Variants in CTNNA3 observed in about 807,000 individuals in gnomAD.
CTNNA3 encodes catenin alpha 3.
In CTNNA3, 76 loss-of-function variants were observed where a neutral mutation model predicts 95.7. That is an observed-to-expected ratio of 0.79 (90% CI 0.66 to 0.96). The LOEUF is 0.96. Among genes scored for constraint, CTNNA3 ranks in the 40% least tolerant of loss-of-function variants. The pLI is 0.00. For synonymous variants in CTNNA3, 431 were observed against 374.4 expected (o/e 1.15, Z -1.74); for missense variants, 1,191 against 1,089.8 (o/e 1.09, Z -1.31).
At chr10:67,038,417 G>C (rs536479771) in intron 7 of CTNNA3, among the ~76,000 whole-genome samples, 7 of 151,892 alleles carry the variant, frequency 4.6e-5, no homozygotes, top group African/African-American at 1.7e-4. Context: ...ACAAAAATAC[G>C]TACTATAAGA....
At chr10:66,182,550 C>T (rs12762540) in intron 13 of CTNNA3, among the ~76,000 whole-genome samples, 9,290 of 152,122 alleles carry the variant, frequency 0.061, 370 homozygotes, top group Non-Finnish European at 0.094. Context: ...CCACCGCGCC[C>T]GGCCGGATAC....
chr10:67,133,060 G>A (rs1232781526), intron 7 of CTNNA3, among the ~76,000 whole-genome samples: 1 of 151,638 alleles, frequency 6.6e-6, no homozygotes, highest in Non-Finnish European at 1.5e-5. Context: ...AAAGTAACTA[G>A]AAGAGAGGAC....
At chr10:66,192,092 A>T (rs751039198) in intron 13 of CTNNA3, among the ~76,000 whole-genome samples, 3 of 152,128 alleles carry the variant, frequency 2.0e-5, no homozygotes, top group African/African-American at 4.8e-5. Context: ...AATAAATTTT[A>T]TTTCTTTATA....
chr10:67,495,274 T>C (rs1231212910), intron 5 of CTNNA3, among the ~76,000 whole-genome samples: 2 of 152,096 alleles, frequency 1.3e-5, no homozygotes, highest in Non-Finnish European at 2.9e-5. Context: ...TGACACCCTC[T>C]CTCCACTGAC....
intron 5 of CTNNA3, among the ~76,000 whole-genome samples, chr10:67,338,835 G>C (rs946955693): frequency 6.6e-6 from 1 of 152,110 alleles, no homozygotes; most frequent in Non-Finnish European, 1.5e-5. Flanking sequence ...CAGTCTTTTC[G>C]ATGTCAACAT....
rs549466261 is a variant in CTNNA3, at chr10:66,620,518, C to T, written c.1374+1174G>A. ...CTTAATCCTCTTCAGATTGAAAAGG[C>T]ATTTTAAAAAGTGATAACCTTGAGC... On this transcript the variant is annotated intron_variant, in intron 10 of 17. Transcript: ENST00000433211. 2.0e-5 allele frequency among the ~76,000 whole-genome samples: 3 copies of T among 152,258 alleles called. No individual in the cohort carries two copies. The East Asian group carries it at 5.8e-4, about 29-fold the overall frequency.
Position 67,160,200 on chromosome 10 carries a change from A to C in CTNNA3, c.1047+20117T>G, listed in dbSNP as rs566434637. 9.2e-5 allele frequency among the ~76,000 whole-genome samples: 14 copies of C among 152,284 alleles called. No homozygotes were observed. The South Asian group carries it at 2.9e-3, about 32-fold the overall frequency. On this transcript the variant is annotated intron_variant, in intron 7 of 17. Coordinates refer to ENST00000433211, the MANE Select transcript of CTNNA3 (RefSeq NM_013266.4). ...TACATCTGTTAGGAAAGCTATTATC[A>C]ATAAACAAAAAAAGATCACAAATAT...
chr10:67,030,460 C>T (rs1376314500), intron 7 of CTNNA3, among the ~76,000 whole-genome samples: 1 of 151,966 alleles, frequency 6.6e-6, no homozygotes, highest in Non-Finnish European at 1.5e-5. Flanking sequence ...TATATTTATA[C>T]ATTATGTGTA....
chr10:66,964,789 A>G (rs999075250), intron 7 of CTNNA3, among the ~76,000 whole-genome samples: 1 of 152,186 alleles, frequency 6.6e-6, no homozygotes, highest in Non-Finnish European at 1.5e-5. Flanking sequence ...GAGATAAAGC[A>G]GATGAGAGGC....
intron 7 of CTNNA3, among the ~76,000 whole-genome samples, chr10:66,880,708 G>C (rs957358662): frequency 1.3e-5 from 2 of 152,066 alleles, no homozygotes; most frequent in African/African-American, 4.8e-5. Flanking sequence ...TGTTTCATTA[G>C]ATTAACTGTG....
In CTNNA3 at chr10:67,197,879, C is replaced by T. The variant is rs191694330; in HGVS notation, c.844-17359G>A. Among the ~76,000 whole-genome samples, 5 of 152,174 alleles carry T rather than the reference C, an allele frequency of 3.3e-5. No homozygotes were observed. In the East Asian group the frequency reaches 9.7e-4, roughly 29 times the overall value. On this transcript the variant is annotated intron_variant, in intron 6 of 17. Coordinates refer to ENST00000433211, the MANE Select transcript of CTNNA3 (RefSeq NM_013266.4). ...TTTAGGACGTATTAGCCTATAAGTG[C>T]CACAAAATCATCATTTTGGAGTCTA... is the stretch of plus-strand genomic sequence containing the variant.
chr10:66,125,081 A>C (rs1589474841), intron 13 of CTNNA3, among the ~76,000 whole-genome samples: 2 of 152,204 alleles, frequency 1.3e-5, no homozygotes, highest in East Asian at 3.8e-4. Flanking sequence ...AAAATTCATC[A>C]CCAGCACATC....
At chr10:66,822,201 A>G (rs1842327473) in intron 7 of CTNNA3, among the ~76,000 whole-genome samples, 2 of 151,480 alleles carry the variant, frequency 1.3e-5, no homozygotes, top group Admixed American at 1.3e-4. Flanking sequence ...TAATTATAGC[A>G]TCATGCTTTG....
intron 7 of CTNNA3, among the ~76,000 whole-genome samples, chr10:66,960,550 T>C (rs1849053325): frequency 6.6e-6 from 1 of 152,148 alleles, no homozygotes; most frequent in Non-Finnish European, 1.5e-5. Context: ...AAAATACAAG[T>C]TAATTATTCA....
chr10:66,642,277 C>A (rs552616219), intron 9 of CTNNA3, among the ~76,000 whole-genome samples: 3 of 51,586 alleles, frequency 5.8e-5, no homozygotes, highest in Non-Finnish European at 1.4e-4. Flanking sequence ...CACACACACA[C>A]AAACACACAC....
intron 7 of CTNNA3, among the ~76,000 whole-genome samples, chr10:66,796,695 C>T (rs1841205571): frequency 6.6e-6 from 1 of 151,896 alleles, no homozygotes; most frequent in African/African-American, 2.4e-5. Flanking sequence ...TAAATTATGC[C>T]TGTATGAATG....
At chr10:66,284,448 C>T (rs1019095360) in intron 12 of CTNNA3, among the ~76,000 whole-genome samples, 3 of 151,912 alleles carry the variant, frequency 2.0e-5, no homozygotes, top group African/African-American at 4.8e-5. Context: ...TAAGTAAAGT[C>T]CATGGGGTTT....
At chr10:66,493,947 A>G (rs1448947789) in intron 11 of CTNNA3, among the ~76,000 whole-genome samples, 6 of 109,236 alleles carry the variant, frequency 5.5e-5, no homozygotes, top group Non-Finnish European at 1.0e-4. Context: ...TTGCTGTGTC[A>G]CCCAGGCTGG....
intron 5 of CTNNA3, among the ~76,000 whole-genome samples, chr10:67,257,877 G>A (rs1057259035): frequency 6.6e-6 from 1 of 152,144 alleles, no homozygotes; most frequent in Admixed American, 6.5e-5. Context: ...GTTCAGGTGT[G>A]ACTTCCAGAA....
Sources: allele counts gnomAD v4.1 joint callset (sites outside exome capture counted in the v4.1 genomes callset), GRCh38; gene constraint gnomAD v4.1.1; transcripts MANE v1.5; gene names NCBI Gene and HGNC (gene_info 2026-07-23, HGNC 2026-07-21).